KLHL7: variants seen among roughly 807,000 people sequenced by gnomAD.
The protein encoded by KLHL7 is kelch like family member 7.
Under a neutral mutation model 67.4 loss-of-function variants are expected in KLHL7, and 44 were observed. The observed-to-expected ratio is 0.65, with a 90% CI of 0.51 to 0.84. KLHL7 has a LOEUF of 0.84. Among genes scored for constraint, KLHL7 ranks in the 40% least tolerant of loss-of-function variants. KLHL7 has a pLI of 0.00. For missense variants in KLHL7, 362 were observed against 718.1 expected (o/e 0.50, Z 5.67); for synonymous variants, 252 against 243.3 (o/e 1.04, Z -0.33).
rs1785048132 is a variant in KLHL7 at position 23,167,849 on chromosome 7, G to A, written c.1191G>A (p.Leu397=). 11 of 1,614,010 alleles carry A rather than the reference G, an allele frequency of 6.8e-6. No individual in the cohort carries two copies. Among genetic ancestry groups the A allele is most frequent in the Non-Finnish European group, 6.8e-6 (8 of 1,180,020 alleles). ...SGGSEVGNSA[L]YLFECYDTRT... ...TTTCTTTTACAGGAAACTCAGCTCT[G>A]TATTTATTTGAGTGCTATGATACGA... The change falls in exon 9 of 11, where the codon CTG becomes CTA. Residue 397 remains leucine, a synonymous_variant. Coordinates refer to ENST00000339077, the MANE Select transcript of KLHL7 (RefSeq NM_001031710.3).
At chr7:23,118,106 C>G in intron 1 of KLHL7, 1 of 982,974 alleles carries the variant, frequency 1.0e-6, no homozygotes, top group Non-Finnish European at 1.5e-6. Context: ...ATGGACCCAA[C>G]TGCCTTTTGT....
chr7:23,159,806 AGCCTT>A (rs1028535376), intron 7 of KLHL7, among the ~76,000 whole-genome samples: 1 of 152,244 alleles, frequency 6.6e-6, no homozygotes, highest in Admixed American at 6.5e-5. Context: ...CTAGGATTAC[AGCCTT>A]GCCCCACCAT....
At chr7:23,157,715 C>T (rs4722232) in intron 7 of KLHL7, among the ~76,000 whole-genome samples, 144,243 of 152,218 alleles carry the variant, frequency 0.95, 68,394 homozygotes, top group East Asian at 0.99. Context: ...TGCCTGAAGT[C>T]CCCACATTCA....
At chr7:23,115,696 C>T (rs1783058442) in intron 1 of KLHL7, among the ~76,000 whole-genome samples, 1 of 151,914 alleles carries the variant, frequency 6.6e-6, no homozygotes, top group South Asian at 2.1e-4. Context: ...GGGCGTCCAC[C>T]ACCACACCCG....
At chr7:23,163,530 A>G (rs959519217) in intron 7 of KLHL7, among the ~76,000 whole-genome samples, 1 of 152,226 alleles carries the variant, frequency 6.6e-6, no homozygotes, top group African/African-American at 2.4e-5. Flanking sequence ...AGAAAATCAC[A>G]TAGGGCAAGA....
At chr7:23,151,636 T>C (rs1784540058) in intron 6 of KLHL7, among the ~76,000 whole-genome samples, 1 of 152,230 alleles carries the variant, frequency 6.6e-6, no homozygotes, top group Non-Finnish European at 1.5e-5. Context: ...AAAATACCAA[T>C]TCCTAAACAC....
chr7:23,111,206 A>G (rs541370021), intron 1 of KLHL7, among the ~76,000 whole-genome samples: 2 of 152,310 alleles, frequency 1.3e-5, no homozygotes, highest in Admixed American at 1.3e-4. Context: ...GAGAGCTGAA[A>G]TAAGAGTAGG....
chr7:23,144,894 T>C (rs1011348914), intron 6 of KLHL7, among the ~76,000 whole-genome samples: 1 of 150,502 alleles, frequency 6.6e-6, no homozygotes, highest in African/African-American at 2.5e-5. Flanking sequence ...GGTCAGGAGT[T>C]TGAGATTCAC....
chr7:23,132,784 T>C (rs918791539), intron 4 of KLHL7, among the ~76,000 whole-genome samples: 3 of 152,322 alleles, frequency 2.0e-5, no homozygotes, highest in African/African-American at 7.2e-5. Context: ...AGGTCTTAGA[T>C]TTAAGTCTTT....
intron 1 of KLHL7, among the ~76,000 whole-genome samples, chr7:23,119,295 CCTGGG>C (rs1330808655): frequency 6.6e-6 from 1 of 152,104 alleles, no homozygotes; most frequent in African/African-American, 2.4e-5. Flanking sequence ...GCCTCTGTCT[CCTGGG>C]TTCAAGCGAT....
chr7:23,171,403 T>A (rs1363482151), intron 9 of KLHL7, among the ~76,000 whole-genome samples: 1 of 152,224 alleles, frequency 6.6e-6, no homozygotes, highest in Non-Finnish European at 1.5e-5. Context: ...AGTCAAATAC[T>A]GTGTTTTAAT....
At chr7:23,149,192 T>G (rs1784455254) in intron 6 of KLHL7, among the ~76,000 whole-genome samples, 1 of 152,160 alleles carries the variant, frequency 6.6e-6, no homozygotes, top group South Asian at 2.1e-4. Flanking sequence ...AATTTAGAAA[T>G]GATTATACCT....
intron 1 of KLHL7, among the ~76,000 whole-genome samples, chr7:23,113,800 T>G (rs1036983682): frequency 2.0e-5 from 3 of 152,156 alleles, no homozygotes; most frequent in African/African-American, 4.8e-5. Context: ...CACTCCAGCC[T>G]GGGCAACAAG....
At chr7:23,127,423 G>A (rs1366801370) in intron 4 of KLHL7, among the ~76,000 whole-genome samples, 1 of 152,116 alleles carries the variant, frequency 6.6e-6, no homozygotes, top group East Asian at 1.9e-4. Context: ...CAAAGACAGT[G>A]GCCCAGCCAG....
chr7:23,141,813 C>A (rs769454742), intron 5 of KLHL7, among the ~76,000 whole-genome samples: 1 of 151,944 alleles, frequency 6.6e-6, no homozygotes, highest in East Asian at 1.9e-4. Flanking sequence ...TTAGTAGAGA[C>A]GGGGTTTCAC....
chr7:23,170,160 G>A (rs539490811), intron 9 of KLHL7, among the ~76,000 whole-genome samples: 12 of 152,354 alleles, frequency 7.9e-5, no homozygotes, highest in Admixed American at 2.6e-4. Context: ...GTTGTAGTGA[G>A]CTGAGATCGT....
chr7:23,169,269 A>T (rs182507042), intron 9 of KLHL7, among the ~76,000 whole-genome samples: 169 of 149,634 alleles, frequency 1.1e-3, no homozygotes, highest in African/African-American at 3.0e-3. Flanking sequence ...AAAAAAAAAT[A>T]AAAAATAAAA....
At chr7:23,124,648 G>T in intron 2 of KLHL7, 40 bp from the exon 3 acceptor site, 4 of 1,212,852 alleles carry the variant, frequency 3.3e-6, no homozygotes, top group Non-Finnish European at 4.9e-6. Flanking sequence ...CAAACTTGTG[G>T]TAGTACAGAT....
intron 9 of KLHL7, 194 bp downstream of exon 9, chr7:23,168,231 C>T (rs1421697921): frequency 5.0e-6 from 3 of 596,324 alleles, no homozygotes; most frequent in South Asian, 2.0e-5. Flanking sequence ...ATGGCTTGAA[C>T]TTACACCCCA....
Sources: allele counts gnomAD v4.1 joint callset (sites outside exome capture counted in the v4.1 genomes callset), GRCh38; gene constraint gnomAD v4.1.1; transcripts MANE v1.5; gene names NCBI Gene and HGNC (gene_info 2026-07-23, HGNC 2026-07-21).